Variants in ANKRD30BL observed in about 807,000 individuals in gnomAD.
The protein encoded by ANKRD30BL is putative ankyrin repeat domain-containing protein 30B-like.
A neutral mutation model predicts 18.4 loss-of-function variants in ANKRD30BL; 20 were observed. That is an observed-to-expected ratio of 1.09 (90% confidence interval 0.77 to 1.58). The LOEUF (loss-of-function observed/expected upper bound fraction) is 1.58, where lower values mean the gene tolerates loss of function less well. Ranked by LOEUF, ANKRD30BL falls within the 40% of genes most tolerant of loss-of-function variation. The pLI, the probability that ANKRD30BL is intolerant of heterozygous loss-of-function variation, is 0.00. For synonymous variants in ANKRD30BL, 72 were observed against 100.9 expected (o/e 0.71, Z 1.72); for missense variants, 224 against 268.6 (o/e 0.83, Z 1.16).
Position 132,161,771 on chromosome 2 carries a change from C to A in ANKRD30BL, c.-66G>T. 1 of 729,818 alleles carries A rather than the reference C, an allele frequency of 1.4e-6. No homozygotes were observed. Among genetic ancestry groups the A allele is most frequent in the Non-Finnish European group, 2.4e-6 (1 of 422,446 alleles). The allele number at this position is 729,818 out of a possible 1,614,324, so 45.2% of individuals were successfully genotyped here. A position where few individuals can be genotyped will look rare whatever the true frequency, so the allele number is the denominator to read the frequency against. The stretch of plus-strand genomic sequence containing the variant: ...GCTCGCCCTTCCCCAGTCCCCGCCG[C>A]TCGCCCTCGCCCTTCTTCAGTCCCT... On this transcript the variant is annotated 5_prime_UTR_variant, in exon 1 of 6. Transcript: ENST00000409867.
intron 1 of ANKRD30BL, among the ~76,000 whole-genome samples, chr2:132,204,235 TA>T (rs1486613788): frequency 6.6e-6 from 1 of 151,926 alleles, no homozygotes; most frequent in Non-Finnish European, 1.5e-5. Flanking sequence ...TGAAGGAACA[TA>T]ACCTGTTCTG....
In ANKRD30BL at chr2:132,243,530, C is replaced by T. The variant is rs111693134; in HGVS notation, n.441+13999G>A. On this transcript the variant is annotated intron_variant and non_coding_transcript_variant, in intron 1 of 4. Coordinates refer to the ANKRD30BL transcript ENST00000470729. The stretch of plus-strand genomic sequence containing the variant: ...TGGAATTTACAAGTGGATATTAACA[C>T]AGCACTGAGGATTTCATTGGAAACA... 2.2e-4 allele frequency among the ~76,000 whole-genome samples: 34 copies of T among 151,344 alleles called. 1 individual carries two copies. Among genetic ancestry groups the T allele is most frequent in the African/African-American group, 8.2e-4 (34 of 41,490 alleles).
chr2:132,251,371 T>C (rs1680642765), intron 1 of ANKRD30BL, among the ~76,000 whole-genome samples: 1 of 152,190 alleles, frequency 6.6e-6, no homozygotes, highest in African/African-American at 2.4e-5. Flanking sequence ...TTTTATGTGG[T>C]GTAGATCTCT....
At chr2:132,160,425 T>G (rs1688024350) in intron 1 of ANKRD30BL, among the ~76,000 whole-genome samples, 1 of 126,810 alleles carries the variant, frequency 7.9e-6, no homozygotes, top group South Asian at 2.5e-4. Context: ...TTTTCAAATT[T>G]TATTTATTTA....
chr2:132,228,145 A>T (rs1195590489), intron 1 of ANKRD30BL, among the ~76,000 whole-genome samples: 1 of 152,126 alleles, frequency 6.6e-6, no homozygotes, highest in African/African-American at 2.4e-5. Flanking sequence ...GTGTGCACTG[A>T]TCTCACAGAG....
At chr2:132,234,228 A>G (rs1680093223) in intron 1 of ANKRD30BL, among the ~76,000 whole-genome samples, 1 of 152,196 alleles carries the variant, frequency 6.6e-6, no homozygotes. Flanking sequence ...CCCACAAGAG[A>G]AAGAAGAAAA....
chr2:132,208,655 T>G (rs13432292), intron 1 of ANKRD30BL, among the ~76,000 whole-genome samples: 15,340 of 149,550 alleles, frequency 0.1, 2,733 homozygotes, highest in African/African-American at 0.37. Flanking sequence ...AAAATAATTT[T>G]CCTAAATGTA....
At chr2:132,255,056 A>G (rs1680789702) in intron 1 of ANKRD30BL, among the ~76,000 whole-genome samples, 1 of 152,152 alleles carries the variant, frequency 6.6e-6, no homozygotes, top group Admixed American at 6.5e-5. Context: ...CCAAAAACCC[A>G]AAGACTGGTT....
At chr2:132,223,776 G>A (rs140471968) in intron 1 of ANKRD30BL, among the ~76,000 whole-genome samples, 2 of 151,944 alleles carry the variant, frequency 1.3e-5, no homozygotes, top group Non-Finnish European at 2.9e-5. Context: ...CAGGCCTACA[G>A]TGGAAAAGGA....
intron 1 of ANKRD30BL, among the ~76,000 whole-genome samples, chr2:132,227,212 T>C (rs1477870514): frequency 1.3e-5 from 2 of 152,098 alleles, no homozygotes; most frequent in African/African-American, 4.8e-5. Context: ...TATCTTCACA[T>C]AAATACTAGA....
At chr2:132,233,528 T>A (rs1333353394) in intron 1 of ANKRD30BL, among the ~76,000 whole-genome samples, 1 of 145,616 alleles carries the variant, frequency 6.9e-6, no homozygotes, top group Non-Finnish European at 1.5e-5. Context: ...AAGGCAGGGG[T>A]TGCAATCCTA....
At chr2:132,225,133 G>T (rs566841995) in intron 1 of ANKRD30BL, among the ~76,000 whole-genome samples, 2 of 151,720 alleles carry the variant, frequency 1.3e-5, no homozygotes, top group Admixed American at 6.6e-5. Flanking sequence ...TGAGGCCTTC[G>T]TTGGAAACGG....
intron 1 of ANKRD30BL, among the ~76,000 whole-genome samples, chr2:132,219,987 A>G (rs1679625812): frequency 6.6e-6 from 1 of 151,908 alleles, no homozygotes; most frequent in Non-Finnish European, 1.5e-5. Flanking sequence ...ATGGTGGAAA[A>G]GGAAACATCT....
At position 132,248,418 on chromosome 2, in the gene ANKRD30BL, T is replaced by C. The variant is rs112800950; in HGVS notation, n.441+9111A>G. Among the ~76,000 whole-genome samples, 32 of 152,272 alleles carry C rather than the reference T, an allele frequency of 2.1e-4. No individual in the cohort carries two copies. In the South Asian group the frequency reaches 4.8e-3, roughly 23 times the overall value. On this transcript the variant is annotated intron_variant and non_coding_transcript_variant, in intron 1 of 4. Coordinates refer to the ANKRD30BL transcript ENST00000470729. Reference sequence around the variant, plus strand: ...ATCATAAAGTAGTTTCTCAGAATGCTTCTGTCTAGTTTTTATGTGAAGATA... The same window carrying C: ...ATCATAAAGTAGTTTCTCAGAATGCCTCTGTCTAGTTTTTATGTGAAGATA...
intron 1 of ANKRD30BL, among the ~76,000 whole-genome samples, chr2:132,193,565 T>C (rs1319819050): frequency 6.6e-6 from 1 of 152,064 alleles, no homozygotes; most frequent in South Asian, 2.1e-4. Flanking sequence ...CATGACCATG[T>C]AATCTACTAT....
intron 1 of ANKRD30BL, among the ~76,000 whole-genome samples, chr2:132,232,816 A>T (rs1680060027): frequency 6.6e-6 from 1 of 152,084 alleles, no homozygotes; most frequent in Non-Finnish European, 1.5e-5. Context: ...CAACATTCAG[A>T]TTCAGGAAAT....
At chr2:132,204,374 G>T (rs1186996713) in intron 1 of ANKRD30BL, among the ~76,000 whole-genome samples, 2 of 151,952 alleles carry the variant, frequency 1.3e-5, no homozygotes, top group East Asian at 3.8e-4. Context: ...TAAAAGCATA[G>T]TGGGTGTGTG....
At position 132,206,371 on chromosome 2, in the gene ANKRD30BL, G is replaced by C. The variant is rs1679212997; in HGVS notation, n.442-49225C>G. Among the ~76,000 whole-genome samples the C allele has an allele frequency of 2.0e-5, 3 of 152,230 alleles. No homozygotes were observed. The South Asian group carries it at 6.2e-4, about 32-fold the overall frequency. On this transcript the variant is annotated intron_variant and non_coding_transcript_variant, in intron 1 of 4. Coordinates refer to the ANKRD30BL transcript ENST00000470729. ...AAAATAATAATAATAATAATGCTAA[G>C]TGTGTAATAGTTGCTAAGTGTGTGT... is the stretch of plus-strand genomic sequence containing the variant.
intron 1 of ANKRD30BL, among the ~76,000 whole-genome samples, chr2:132,254,682 C>T (rs1012812351): frequency 1.3e-5 from 2 of 152,224 alleles, no homozygotes; most frequent in East Asian, 1.9e-4. Flanking sequence ...CAGTGTAGCG[C>T]GCGTGCAGCC....
Sources: allele counts gnomAD v4.1 joint callset (sites outside exome capture counted in the v4.1 genomes callset), GRCh38; gene constraint gnomAD v4.1.1; transcripts MANE v1.5; gene names NCBI Gene and HGNC (gene_info 2026-07-23, HGNC 2026-07-21).